The following RNF170 variants were observed in gnomAD, a reference collection of about 807,000 sequenced individuals.
RNF170 encodes E3 ubiquitin-protein ligase RNF170.
A neutral mutation model predicts 32.7 loss-of-function variants in RNF170; 12 were observed. That is an observed-to-expected ratio of 0.37 (90% CI 0.24 to 0.60). RNF170 has a LOEUF of 0.60. Among genes scored for constraint, RNF170 ranks in the 20% least tolerant of loss-of-function variants. The pLI is 0.72. For synonymous variants in RNF170, 91 were observed against 103.6 expected, an observed-to-expected ratio of 0.88 and a Z score of 0.74; for missense variants, 212 against 311.2, an observed-to-expected ratio of 0.68 and a Z score of 2.40.
At chr8:42,866,687 C>T (rs956937548) in intron 4 of RNF170, among the ~76,000 whole-genome samples, 7 of 151,918 alleles carry the variant, frequency 4.6e-5, no homozygotes, top group African/African-American at 1.7e-4. Context: ...ATTGAATCAA[C>T]TCTTGCACTA....
intron 4 of RNF170, among the ~76,000 whole-genome samples, chr8:42,869,590 G>GT (rs1340935131): frequency 6.6e-6 from 1 of 152,188 alleles, no homozygotes; most frequent in Non-Finnish European, 1.5e-5. Context: ...CTAAGGCAGG[G>GT]TCTTGGGCAG....
At chr8:42,860,586 C>T (rs1481364782) in intron 6 of RNF170, among the ~76,000 whole-genome samples, 1 of 151,786 alleles carries the variant, frequency 6.6e-6, no homozygotes, top group Admixed American at 6.6e-5. Flanking sequence ...CCATACCCAG[C>T]TAATTTTTGT....
At chr8:42,873,850 T>C in intron 3 of RNF170, 81 bp downstream of exon 3, 1 of 829,414 alleles carries the variant, frequency 1.2e-6, no homozygotes, top group Non-Finnish European at 2.1e-6. Context: ...TTCCAAAAAG[T>C]AATTTAGTAA....
intron 1 of RNF170, among the ~76,000 whole-genome samples, chr8:42,891,396 CTTCT>C (rs1806290599): frequency 6.6e-6 from 1 of 152,052 alleles, no homozygotes; most frequent in Non-Finnish European, 1.5e-5. Context: ...AGATCTCCTC[CTTCT>C]AATTGCTGAT....
intron 6 of RNF170, among the ~76,000 whole-genome samples, chr8:42,858,155 T>C (rs1297543616): frequency 6.6e-6 from 1 of 151,926 alleles, no homozygotes; most frequent in Non-Finnish European, 1.5e-5. Context: ...CCGGAGGATA[T>C]GTAAAAAAAA....
chr8:42,886,238 T>A (rs1805818170), intron 2 of RNF170, among the ~76,000 whole-genome samples: 1 of 151,270 alleles, frequency 6.6e-6, no homozygotes, highest in Admixed American at 6.6e-5. Context: ...AAAAAAATAA[T>A]AATAATAATA....
chr8:42,854,348 C>G lies in RNF170; in HGVS notation c.*1811G>C. On this transcript the variant is annotated 3_prime_UTR_variant, in exon 7 of 7. Transcript: ENST00000527424. ...CCTACTAAGAAATTTTGGTGTAATG[C>G]CACTTTGATCAGTTATTTGTTGTAT... 1 of 1,287,152 alleles carries G rather than the reference C, an allele frequency of 7.8e-7. No individual in the cohort carries two copies. The highest frequency in any genetic ancestry group is 1.2e-5 in the South Asian group (1 of 80,940). 79.7% of individuals were successfully genotyped at this position (1,287,152 alleles called of 1,614,324 possible). A position where few individuals can be genotyped will look rare whatever the true frequency, so the allele number is the denominator to read the frequency against.
chr8:42,894,565 G>C lies in RNF170; in HGVS notation c.-8+1919C>G, dbSNP rs1806590610. On this transcript the variant is annotated intron_variant, in intron 1 of 6. Transcript: ENST00000527424. ...CCAAACACAGGCGAGACACACATGT[G>C]TAATTTTTTTTTTCTTTTGAGACAG... Among the ~76,000 whole-genome samples the C allele has an allele frequency of 2.6e-5, 4 of 152,138 alleles. No individual in the cohort carries two copies. In the South Asian group the frequency reaches 8.3e-4, roughly 31 times the overall value.
chr8:42,883,570 G>GAAAAAAAAAAAAAAAAAAAAAAAAA, intron 2 of RNF170, among the ~76,000 whole-genome samples: 1 of 43,736 alleles, frequency 2.3e-5, no homozygotes, highest in Non-Finnish European at 4.1e-5. Flanking sequence ...CTCTGTCTCA[G>GAAAAAAAAAAAAAAAAAAAAAAAAA]AAAAAAAAAA....
intron 2 of RNF170, among the ~76,000 whole-genome samples, chr8:42,880,398 G>A (rs999316243): frequency 6.6e-6 from 1 of 152,212 alleles, no homozygotes; most frequent in Non-Finnish European, 1.5e-5. Context: ...CAATCAAACT[G>A]CATCACATGC....
intron 4 of RNF170, 32 bp downstream of exon 4, chr8:42,869,972 C>A: frequency 6.7e-7 from 1 of 1,493,290 alleles, no homozygotes; most frequent in South Asian, 1.1e-5. Context: ...TCTACACAGT[C>A]ACTTTTCCCA....
intron 6 of RNF170, among the ~76,000 whole-genome samples, chr8:42,856,847 T>A (rs1803278361): frequency 6.6e-6 from 1 of 152,202 alleles, no homozygotes; most frequent in African/African-American, 2.4e-5. Context: ...TTAGGAACAG[T>A]TGCTTAACCT....
At chr8:42,867,920 G>A (rs1309309175) in intron 4 of RNF170, among the ~76,000 whole-genome samples, 1 of 152,044 alleles carries the variant, frequency 6.6e-6, no homozygotes, top group Non-Finnish European at 1.5e-5. Context: ...GAAAACAAGA[G>A]GGAGGACACT....
intron 6 of RNF170, among the ~76,000 whole-genome samples, chr8:42,861,003 C>T (rs1326864246): frequency 1.3e-5 from 2 of 152,218 alleles, no homozygotes; most frequent in Non-Finnish European, 2.9e-5. Context: ...CAGGCGTGAG[C>T]CACCGCCCCC....
downstream of RNF170, chr8:42,850,979 T>G (rs1802925678): frequency 1.3e-6 from 2 of 1,551,484 alleles, no homozygotes; most frequent in Non-Finnish European, 1.7e-6. Flanking sequence ...CTTGCACGGC[T>G]GCTCTTCTCT....
chr8:42,853,870 T>C lies in RNF170; in HGVS notation c.*2289A>G. 1 of 1,286,692 alleles carries C rather than the reference T, an allele frequency of 7.8e-7. No individual in the cohort carries two copies. The highest frequency in any genetic ancestry group is 5.5e-5 in the East Asian group (1 of 18,022). The allele number at this position is 1,286,692 out of a possible 1,614,324, so 79.7% of individuals were successfully genotyped here. A position where few individuals can be genotyped will look rare whatever the true frequency, so the allele number is the denominator to read the frequency against. Reference sequence around the variant, plus strand: ...TTTTATGTTACAAAATTTGGTACAATACACCTCTTTCAGGAAAGTCTTAGT... The same window carrying C: ...TTTTATGTTACAAAATTTGGTACAACACACCTCTTTCAGGAAAGTCTTAGT... On this transcript the variant is annotated 3_prime_UTR_variant, in exon 7 of 7. Transcript: ENST00000527424.
chr8:42,882,594 T>A (rs750020679), intron 2 of RNF170, among the ~76,000 whole-genome samples: 1 of 152,206 alleles, frequency 6.6e-6, no homozygotes, highest in Non-Finnish European at 1.5e-5. Context: ...GAAAATATTA[T>A]GCTAAGTGAA....
chr8:42,866,323 C>T (rs1300271900), intron 4 of RNF170, among the ~76,000 whole-genome samples: 4 of 151,844 alleles, frequency 2.6e-5, no homozygotes, highest in Non-Finnish European at 4.4e-5. Flanking sequence ...GGGTGGATCA[C>T]GAGGTCAGGA....
At chr8:42,869,271 T>A (rs761732792) in intron 4 of RNF170, among the ~76,000 whole-genome samples, 3 of 152,196 alleles carry the variant, frequency 2.0e-5, no homozygotes, top group Non-Finnish European at 4.4e-5. Context: ...TTAGATGAAG[T>A]ACATTAATGT....
Sources: gnomAD v4.1 joint callset for allele counts (sites outside exome capture counted in the v4.1 genomes callset) on GRCh38, gnomAD v4.1.1 for gene constraint, MANE v1.5 for transcripts, NCBI Gene and HGNC (gene_info 2026-07-23, HGNC 2026-07-21) for gene names.